The following MECR variants were observed in gnomAD, a reference collection of about 807,000 sequenced individuals.
The protein encoded by MECR is enoyl-[acyl-carrier-protein] reductase, mitochondrial.
A neutral mutation model predicts 49.1 loss-of-function variants in MECR; 37 were observed. That is an observed-to-expected ratio of 0.75 (90% confidence interval 0.58 to 0.99). The LOEUF is 0.99. Ranked by LOEUF, MECR falls within the 50% of genes least tolerant of loss-of-function variation. The pLI, the probability that MECR is intolerant of heterozygous loss-of-function variation, is 0.00. For synonymous variants in MECR, 198 were observed against 191.1 expected, an observed-to-expected ratio of 1.04 and a Z score of -0.30; for missense variants, 470 against 479.6, an observed-to-expected ratio of 0.98 and a Z score of 0.19.
At position 29,205,342 on chromosome 1, in the gene MECR, C is replaced by A. The variant is rs182081727; in HGVS notation, c.550+1420G>T. Among the ~76,000 whole-genome samples the A allele has an allele frequency of 8.9e-4, 136 of 151,974 alleles. 1 individual carries two copies. The highest frequency in any genetic ancestry group is 3.4e-3 in the Middle Eastern group (1 of 294). On this transcript the variant is annotated intron_variant, in intron 4 of 9. Transcript: ENST00000263702. ...TGGGGTCACAGGCGCTGCCACCACG[C>A]CGGGCTAATTTTTGTATTTTTAGTA...
chr1:29,223,138 A>T, intron 1 of MECR: 1 of 985,328 alleles, frequency 1.0e-6, no homozygotes, highest in Non-Finnish European at 1.2e-6. Context: ...CTTCCCCCAT[A>T]CCGTTCACGT....
the MECR span, among the ~76,000 whole-genome samples, chr1:29,173,879 G>A: frequency 5.5e-4 from 84 of 151,856 alleles, no homozygotes; most frequent in African/African-American, 1.9e-3. Context: ...TTATAATAAA[G>A]GGCACTGTTC....
At chr1:29,174,737 G>A in the MECR span, among the ~76,000 whole-genome samples, 12 of 145,240 alleles carry the variant, frequency 8.3e-5, no homozygotes, top group East Asian at 1.7e-3. Context: ...GCAGTGGCCC[G>A]ATCTAGGCTC....
the MECR span, among the ~76,000 whole-genome samples, chr1:29,167,719 T>C: frequency 6.6e-6 from 1 of 152,230 alleles, no homozygotes. Context: ...TTTTTGTCTT[T>C]GTGCTTACCT....
intron 1 of MECR, among the ~76,000 whole-genome samples, chr1:29,219,768 A>T (rs1680314681): frequency 6.6e-6 from 1 of 152,200 alleles, no homozygotes; most frequent in Admixed American, 6.5e-5. Flanking sequence ...ATGTAGGAAT[A>T]CTCAGGCTAA....
chr1:29,220,588 G>A (rs1315390512), intron 1 of MECR: 1 of 152,238 alleles, frequency 6.6e-6, no homozygotes, highest in Non-Finnish European at 1.5e-5. Flanking sequence ...CTCACGTGCA[G>A]TGACACTGCA....
chr1:29,184,922 C>T, the MECR span, among the ~76,000 whole-genome samples: 5 of 152,212 alleles, frequency 3.3e-5, no homozygotes, highest in East Asian at 1.9e-4. Flanking sequence ...GCCAGGAGTT[C>T]GAGACCAGTC....
chr1:29,168,012 CTTTT>C, the MECR span, among the ~76,000 whole-genome samples: 5 of 133,308 alleles, frequency 3.8e-5, no homozygotes, highest in Non-Finnish European at 6.3e-5. Context: ...GTTCTAATTC[CTTTT>C]TTTTTTTTTT....
intron 1 of MECR, among the ~76,000 whole-genome samples, chr1:29,228,624 C>G (rs934965412): frequency 6.6e-6 from 1 of 152,046 alleles, no homozygotes; most frequent in African/African-American, 2.4e-5. Context: ...TTGGAAGTAT[C>G]ATGTTTTGAA....
At chr1:29,171,372 G>C in the MECR span, 1 of 149,500 alleles carries the variant, frequency 6.7e-6, no homozygotes, top group African/African-American at 2.5e-5. Context: ...AAAGGAAATA[G>C]CATGAGGGAA....
downstream of MECR, among the ~76,000 whole-genome samples, chr1:29,190,798 TAAA>T (rs1196883134): frequency 4.0e-5 from 3 of 74,312 alleles, no homozygotes; most frequent in African/African-American, 5.0e-5. Context: ...TCTCTCCAAA[TAAA>T]AAAAAAAAAA....
chr1:29,206,689 C>T, intron 4 of MECR, 73 bp downstream of exon 4: 6 of 1,561,282 alleles, frequency 3.8e-6, no homozygotes, highest in Non-Finnish European at 5.2e-6. Context: ...GTTCTCCTGG[C>T]CTTGGGGTCA....
At chr1:29,209,140 T>A (rs969774650) in intron 3 of MECR, among the ~76,000 whole-genome samples, 6 of 152,208 alleles carry the variant, frequency 3.9e-5, no homozygotes, top group Non-Finnish European at 7.3e-5. Flanking sequence ...ACAGTAACCA[T>A]GAGTTCCACT....
At chr1:29,218,864 T>C (rs1390854354) in intron 1 of MECR, among the ~76,000 whole-genome samples, 6 of 152,234 alleles carry the variant, frequency 3.9e-5, no homozygotes, top group African/African-American at 1.4e-4. Context: ...GGCACACTGC[T>C]AAGTGCTTTA....
In MECR at chr1:29,196,228, C is replaced by A; in HGVS notation, c.861G>T (p.Gly287=). The A allele has an allele frequency of 6.2e-7, 1 of 1,613,958 alleles. No homozygotes were observed. The highest frequency in any genetic ancestry group is 8.5e-7 in the Non-Finnish European group (1 of 1,179,920). ...AGGCTACGACGGGCTGCTTGGCCAT[C>A]CCCCCATAGGTTACCATGGTTCCTC... ...ARGGTMVTYG[G]MAKQPVVASV... The change falls in exon 8 of 10, where the codon GGG becomes GGT. Residue 287 remains glycine, a synonymous_variant. Transcript: ENST00000263702.
chr1:29,208,985 AT>A (rs1356661433), intron 3 of MECR, among the ~76,000 whole-genome samples: 1 of 152,196 alleles, frequency 6.6e-6, no homozygotes, highest in Non-Finnish European at 1.5e-5. Context: ...AGATGCAGAG[AT>A]GCTGTAGCAG....
chr1:29,202,725 C>T (rs1458311880), intron 5 of MECR, among the ~76,000 whole-genome samples: 1 of 152,196 alleles, frequency 6.6e-6, no homozygotes, highest in Non-Finnish European at 1.5e-5. Flanking sequence ...ATTTAGCGCA[C>T]TTCCAAGTAC....
the MECR span, among the ~76,000 whole-genome samples, chr1:29,183,395 T>TTC: frequency 2.7e-5 from 4 of 150,128 alleles, no homozygotes; most frequent in South Asian, 2.1e-4. Context: ...CTCTCTCTCT[T>TTC]TCTCTCTCTC....
Position 29,192,926 on chromosome 1 carries a change from C to T in MECR, c.*1096G>A, listed in dbSNP as rs1673214288. 6.6e-6 allele frequency: 1 copy of T among 150,990 alleles called. No individual in the cohort carries two copies. Among genetic ancestry groups the T allele is most frequent in the African/African-American group, 2.4e-5 (1 of 41,152 alleles). The allele number at this position is 150,990 out of a possible 1,614,324, so 9.4% of individuals were successfully genotyped here. On this transcript the variant is annotated 3_prime_UTR_variant, in exon 10 of 10. Coordinates refer to ENST00000263702, the MANE Select transcript of MECR (RefSeq NM_016011.5). The stretch of plus-strand genomic sequence containing the variant: ...CACGGTTTATCAACGACCTCATGAA[C>T]ATTGAACATTTGGGGCTAGATTTTT...
Sources: allele counts gnomAD v4.1 joint callset (sites outside exome capture counted in the v4.1 genomes callset), GRCh38; gene constraint gnomAD v4.1.1; transcripts MANE v1.5; gene names NCBI Gene and HGNC (gene_info 2026-07-23, HGNC 2026-07-21).